The following DLEU7 variants were observed in gnomAD, a reference collection of about 807,000 sequenced individuals.
DLEU7 encodes deleted in lymphocytic leukemia 7.
A neutral mutation model predicts 16.0 loss-of-function variants in DLEU7; 17 were observed. The ratio of observed to expected loss-of-function variants is 1.06; its 90% CI spans 0.73 to 1.59. The LOEUF is 1.59. DLEU7 is among the 40% of genes most tolerant of loss of function. The pLI is 0.00. For missense variants in DLEU7, 308 were observed against 314.9 expected (o/e 0.98, Z 0.17); for synonymous variants, 113 against 139.8 (o/e 0.81, Z 1.35).
intron 1 of DLEU7, among the ~76,000 whole-genome samples, chr13:50,719,028 C>T (rs1750416351): frequency 6.6e-6 from 1 of 152,196 alleles, no homozygotes; most frequent in Non-Finnish European, 1.5e-5. Context: ...TGGAAATGCT[C>T]AGACCTGTCC....
At chr13:50,754,005 T>C (rs1289076465) in intron 1 of DLEU7, among the ~76,000 whole-genome samples, 1 of 152,244 alleles carries the variant, frequency 6.6e-6, no homozygotes, top group African/African-American at 2.4e-5. Flanking sequence ...TTGGAGTTGA[T>C]TTCCAGTTTT....
At chr13:50,805,753 G>A (rs1876369484) in intron 1 of DLEU7, among the ~76,000 whole-genome samples, 1 of 152,082 alleles carries the variant, frequency 6.6e-6, no homozygotes, top group Non-Finnish European at 1.5e-5. Context: ...TGAGGCCCAG[G>A]GAAGCACTCA....
At chr13:50,757,208 A>T (rs1321326508) in intron 1 of DLEU7, among the ~76,000 whole-genome samples, 1 of 152,160 alleles carries the variant, frequency 6.6e-6, no homozygotes, top group African/African-American at 2.4e-5. Context: ...TGTCCATCTG[A>T]GTCAGAGCTG....
intron 1 of DLEU7, among the ~76,000 whole-genome samples, chr13:50,749,202 C>T (rs1874489587): frequency 6.6e-6 from 1 of 152,130 alleles, no homozygotes; most frequent in South Asian, 2.1e-4. Context: ...ACCTAGGTAT[C>T]TGCAAATGCC....
chr13:50,718,483 G>A (rs188885372), intron 1 of DLEU7, among the ~76,000 whole-genome samples: 6 of 152,320 alleles, frequency 3.9e-5, no homozygotes, highest in Admixed American at 3.3e-4. Context: ...GGCTGGAGAA[G>A]GAATCTACTA....
intron 1 of DLEU7, among the ~76,000 whole-genome samples, chr13:50,833,038 A>T (rs542832072): frequency 1.5e-4 from 23 of 152,284 alleles, no homozygotes; most frequent in African/African-American, 5.3e-4. Context: ...GGTATTGATA[A>T]AACATATCTC....
chr13:50,808,559 C>T (rs1050248043), intron 1 of DLEU7: 1 of 152,040 alleles, frequency 6.6e-6, no homozygotes, highest in African/African-American at 2.4e-5. Context: ...CAGTATCTGA[C>T]ACAGATATGT....
At chr13:50,838,752 C>T (rs1427346043) in intron 1 of DLEU7, among the ~76,000 whole-genome samples, 4 of 152,072 alleles carry the variant, frequency 2.6e-5, no homozygotes, top group Admixed American at 6.5e-5. Flanking sequence ...ATGGTCTTAG[C>T]GAGGTAATTA....
At chr13:50,712,855 G>A (rs1449201467) in exon 2 of DLEU7, 5 of 233,314 alleles carry the variant, frequency 2.1e-5, no homozygotes, top group African/African-American at 9.0e-5. Flanking sequence ...TCTGAAAAGC[G>A]ACTATAACAT....
intron 1 of DLEU7, among the ~76,000 whole-genome samples, chr13:50,811,317 G>A (rs1035252672): frequency 4.6e-5 from 7 of 152,226 alleles, no homozygotes; most frequent in African/African-American, 1.7e-4. Context: ...CCAGAGAGGT[G>A]AGAGGAAGAA....
chr13:50,828,068 T>C (rs1877151951), intron 1 of DLEU7, among the ~76,000 whole-genome samples: 1 of 152,218 alleles, frequency 6.6e-6, no homozygotes, highest in African/African-American at 2.4e-5. Flanking sequence ...ATTTTGTACC[T>C]GTATGTCCCT....
intron 1 of DLEU7, among the ~76,000 whole-genome samples, chr13:50,813,871 A>T (rs1876643503): frequency 6.6e-6 from 1 of 152,124 alleles, no homozygotes. Context: ...CCACTACAAT[A>T]TTTTAAGGGA....
chr13:50,821,874 AG>A (rs36110262), downstream of DLEU7, among the ~76,000 whole-genome samples: 5 of 152,172 alleles, frequency 3.3e-5, no homozygotes, highest in Admixed American at 3.3e-4. Context: ...CATAAAAGAA[AG>A]GCATCGCCCC....
intron 1 of DLEU7, among the ~76,000 whole-genome samples, chr13:50,839,678 G>T (rs1877584856): frequency 6.6e-6 from 1 of 152,096 alleles, no homozygotes. Flanking sequence ...TTTGTCAATA[G>T]TTCCAGAAAA....
intron 1 of DLEU7, among the ~76,000 whole-genome samples, chr13:50,789,232 G>C (rs917677441): frequency 6.6e-6 from 1 of 151,008 alleles, no homozygotes; most frequent in Non-Finnish European, 1.5e-5. Context: ...GGACGCGTGG[G>C]ACACTGGGGT....
intron 1 of DLEU7, among the ~76,000 whole-genome samples, chr13:50,745,436 G>A (rs1019672702): frequency 4.6e-5 from 7 of 152,134 alleles, no homozygotes; most frequent in East Asian, 3.8e-4. Context: ...AGTGTTTAAC[G>A]GGTACAGAGT....
intron 1 of DLEU7, among the ~76,000 whole-genome samples, chr13:50,780,937 C>A (rs866711298): frequency 3.3e-5 from 5 of 152,170 alleles, no homozygotes; most frequent in Non-Finnish European, 7.4e-5. Context: ...CTCCCAGAGC[C>A]AGCACTCAAA....
At chr13:50,836,039 G>C (rs1176639295) in intron 1 of DLEU7, among the ~76,000 whole-genome samples, 1 of 152,186 alleles carries the variant, frequency 6.6e-6, no homozygotes, top group Non-Finnish European at 1.5e-5. Flanking sequence ...CAATCCACAA[G>C]GATTGTGCTT....
At chr13:50,818,523 A>ACTG (rs1233437808), downstream of DLEU7, 1 of 152,176 alleles carries the variant, frequency 6.6e-6, no homozygotes, top group Non-Finnish European at 1.5e-5. Context: ...TGTTCTAGGC[A>ACTG]CTGCTGCTGT....
Sources: gnomAD v4.1 joint callset for allele counts (sites outside exome capture counted in the v4.1 genomes callset) on GRCh38, gnomAD v4.1.1 for gene constraint, MANE v1.5 for transcripts, NCBI Gene and HGNC (gene_info 2026-07-23, HGNC 2026-07-21) for gene names.